FAM220A: variants seen among roughly 807,000 people sequenced by gnomAD.
FAM220A encodes family with sequence similarity 220 member A.
For missense variants in FAM220A, 392 were observed against 321.6 expected, an observed-to-expected ratio of 1.22 and a Z score of -1.68; for synonymous variants, 141 against 130.7, an observed-to-expected ratio of 1.08 and a Z score of -0.54.
At chr7:6,334,633 A>AT (rs1424071720) in intron 1 of FAM220A, among the ~76,000 whole-genome samples, 2 of 151,704 alleles carry the variant, frequency 1.3e-5, no homozygotes, top group Non-Finnish European at 2.9e-5. Context: ...CGCCCGGCTA[A>AT]TTTTTTATAT....
At chr7:6,345,993 T>C (rs1463721895) in intron 1 of FAM220A, among the ~76,000 whole-genome samples, 1 of 152,080 alleles carries the variant, frequency 6.6e-6, no homozygotes, top group African/African-American at 2.4e-5. Context: ...GGTCTTAAAC[T>C]CCTGACCTCA....
chr7:6,334,465 G>A (rs1287250068), intron 1 of FAM220A, among the ~76,000 whole-genome samples: 1 of 151,894 alleles, frequency 6.6e-6, no homozygotes, highest in Non-Finnish European at 1.5e-5. Flanking sequence ...GAGTCCCAGA[G>A]GCTCTGTCTC....
At chr7:6,344,389 T>C (rs540307134) in intron 1 of FAM220A, among the ~76,000 whole-genome samples, 9 of 152,282 alleles carry the variant, frequency 5.9e-5, no homozygotes, top group Admixed American at 2.0e-4. Context: ...TGGCTGCTTG[T>C]TGCACTTGGT....
chr7:6,343,514 G>T (rs895266867), intron 1 of FAM220A, among the ~76,000 whole-genome samples: 1 of 146,098 alleles, frequency 6.8e-6, no homozygotes, highest in Non-Finnish European at 1.5e-5. Flanking sequence ...GGCATGACTT[G>T]TTAAATTATA....
In FAM220A at chr7:6,332,613, G is replaced by A. The variant is rs193267881; in HGVS notation, c.-81-1378C>T. On this transcript the variant is annotated intron_variant, in intron 1 of 1. Coordinates refer to ENST00000313324, the MANE Select transcript of FAM220A (RefSeq NM_001037163.2). ...CTCAGGAGGCTGATGTGGGAGGATT[G>A]CTTGAGCCTGGGAGGCAGAGGTCAC... is the stretch of plus-strand genomic sequence containing the variant. Among the ~76,000 whole-genome samples, 69 of 152,130 alleles carry A rather than the reference G, an allele frequency of 4.5e-4. 1 individual carries two copies. The East Asian group carries it at 0.012, about 26-fold the overall frequency.
intron 1 of FAM220A, among the ~76,000 whole-genome samples, chr7:6,333,160 A>T (rs570395670): frequency 9.0e-6 from 1 of 110,524 alleles, no homozygotes; most frequent in Non-Finnish European, 1.7e-5. Flanking sequence ...CATCCCAAAT[A>T]AAAAAATCAA....
At chr7:6,342,312 A>AG (rs1304500871) in intron 1 of FAM220A, among the ~76,000 whole-genome samples, 5 of 152,120 alleles carry the variant, frequency 3.3e-5, no homozygotes, top group African/African-American at 9.6e-5. Context: ...TGGGAGGCCG[A>AG]GGCAGGTGGA....
Position 6,330,652 on chromosome 7 carries a change from T to C in FAM220A, c.503A>G (p.Gln168Arg), listed in dbSNP as rs758661244. ...HQKVPEMGSFQDDPPSAFPKG... is the reference protein window; with the variant it reads ...HQKVPEMGSFRDDPPSAFPKG... ...GGGAAAAGCACTTGGTGGGTCATCCTGAAAACTTCCCATTTCCGGCACTTT... is the reference window on the plus strand; with the variant it reads ...GGGAAAAGCACTTGGTGGGTCATCCCGAAAACTTCCCATTTCCGGCACTTT... The change falls in exon 2 of 2, where the codon CAG (glutamine) becomes CGG (arginine). Residue 168 changes from glutamine (Q) to arginine (R), a missense_variant. Transcript: ENST00000313324. The C allele has an allele frequency of 1.2e-5, 20 of 1,614,046 alleles. 1 individual carries two copies. In the Middle Eastern group the frequency reaches 9.9e-4, roughly 80 times the overall value.
chr7:6,345,375 A>T (rs1781934051), intron 1 of FAM220A, among the ~76,000 whole-genome samples: 1 of 151,974 alleles, frequency 6.6e-6, no homozygotes, highest in Non-Finnish European at 1.5e-5. Flanking sequence ...TCAGTCTCCC[A>T]AAGTGCTGGG....
chr7:6,336,836 T>C (rs1014918641), intron 1 of FAM220A, among the ~76,000 whole-genome samples: 30 of 152,220 alleles, frequency 2.0e-4, no homozygotes, highest in African/African-American at 7.2e-4. Flanking sequence ...TTGTATTTTG[T>C]GTAGAGACAA....
At chr7:6,341,014 G>A (rs1311404738) in intron 1 of FAM220A, among the ~76,000 whole-genome samples, 3 of 150,988 alleles carry the variant, frequency 2.0e-5, no homozygotes, top group Non-Finnish European at 4.4e-5. Context: ...TGTGGTGGTG[G>A]GAACCTACAG....
At chr7:6,332,112 G>C (rs1300758096) in intron 1 of FAM220A, among the ~76,000 whole-genome samples, 1 of 110,054 alleles carries the variant, frequency 9.1e-6, no homozygotes, top group African/African-American at 6.0e-5. Flanking sequence ...TCCATCTCAC[G>C]GAAAAAAAAA....
rs757065687 is a variant in FAM220A, at chr7:6,330,881, T to G, written c.274A>C (p.Arg92=). 4 of 1,614,214 alleles carry G rather than the reference T, an allele frequency of 2.5e-6. No individual in the cohort carries two copies. The highest frequency in any genetic ancestry group is 3.4e-6 in the Non-Finnish European group (4 of 1,180,042). Residue 92 remains arginine, a synonymous_variant, in exon 2 of 2, where the codon AGA becomes CGA. Transcript: ENST00000313324. ...VLPYVRESVR[R]NPASAATPST... ...GGAGTGGCTGCTGAGGCTGGATTTC[T>G]TCTTACTGATTCTCTCACATATGGA...
chr7:6,333,174 AAAAAAAAC>A (rs2115129331), intron 1 of FAM220A, among the ~76,000 whole-genome samples: 1 of 151,308 alleles, frequency 6.6e-6, no homozygotes, highest in African/African-American at 2.4e-5. Flanking sequence ...AAATCAAAAA[AAAAAAAAC>A]AAAAAACAAA....
At chr7:6,340,700 C>G (rs1034589314) in intron 1 of FAM220A, among the ~76,000 whole-genome samples, 1 of 151,830 alleles carries the variant, frequency 6.6e-6, no homozygotes, top group Admixed American at 6.6e-5. Context: ...GAGATCGAGA[C>G]CATCCTGGCT....
chr7:6,330,904 G>A lies in FAM220A; in HGVS notation c.251C>T (p.Pro84Leu). 4.3e-6 allele frequency: 7 copies of A among 1,614,190 alleles called. No homozygotes were observed. Among genetic ancestry groups the A allele is most frequent in the Non-Finnish European group, 5.9e-6 (7 of 1,180,044 alleles). Residue 84 changes from proline (P) to leucine (L), a missense_variant, in exon 2 of 2, where the codon CCA becomes CTA. Transcript: ENST00000313324. ...TCTTCTTACTGATTCTCTCACATATGGAAGCACTGGGCCGCCACTGTGAAG... is the reference window on the plus strand; with the variant it reads ...TCTTCTTACTGATTCTCTCACATATAGAAGCACTGGGCCGCCACTGTGAAG... ...LWLHSGGPVL[P>L]YVRESVRRNP...
At chr7:6,334,050 G>GCA (rs1562445367) in intron 1 of FAM220A, among the ~76,000 whole-genome samples, 63 of 150,984 alleles carry the variant, frequency 4.2e-4, no homozygotes, top group South Asian at 2.1e-3. Flanking sequence ...GTTTCACCAT[G>GCA]TTAGCCAGGA....
Position 6,348,905 on chromosome 7 carries a change from C to T in FAM220A, c.-414G>A, listed in dbSNP as rs1008862064. The T allele has an allele frequency of 2.6e-6, 1 of 386,966 alleles. No homozygotes were observed. The highest frequency in any genetic ancestry group is 4.6e-6 in the Non-Finnish European group (1 of 219,070). 24.0% of individuals were successfully genotyped at this position (386,966 alleles called of 1,614,324 possible). On this transcript the variant is annotated 5_prime_UTR_variant, in exon 1 of 2. Transcript: ENST00000313324. ...GCGGGCCGCAGTGGAGCGGAGTCCG[C>T]ACGTCACGCTCGGAGAAGTGCCTCC...
At position 6,335,371 on chromosome 7, in the gene FAM220A, C is replaced by T. The variant is rs189425664; in HGVS notation, c.-81-4136G>A. ...CTGAGTAGCTGTGATTACAAGCGCC[C>T]GCCACCACGCCTGGCTAATTTTAGT... On this transcript the variant is annotated intron_variant, in intron 1 of 1. Coordinates refer to ENST00000313324, the MANE Select transcript of FAM220A (RefSeq NM_001037163.2). Among the ~76,000 whole-genome samples, 550 of 150,204 alleles carry T rather than the reference C, an allele frequency of 3.7e-3. 17 individuals are homozygous for T. The highest frequency in any genetic ancestry group is 0.034 in the Admixed American group (513 of 15,042).
Sources: allele counts gnomAD v4.1 joint callset (sites outside exome capture counted in the v4.1 genomes callset), GRCh38; gene constraint gnomAD v4.1.1; transcripts MANE v1.5; gene names NCBI Gene and HGNC (gene_info 2026-07-23, HGNC 2026-07-21).